Variants in CDH23 observed in about 807,000 individuals in gnomAD.
CDH23 encodes the protein cadherin related 23, also known as cadherin-23.
In CDH23, 189 loss-of-function variants were observed where a neutral mutation model predicts 317.1. That is an observed-to-expected ratio of 0.60 (90% CI 0.53 to 0.67). The LOEUF is 0.67. CDH23 is among the 30% of genes least tolerant of loss of function. The probability of loss-of-function intolerance (pLI) is 0.00; values close to 1 mark genes in which losing one functional copy is unlikely to be tolerated. For missense variants in CDH23, 4,401 were observed against 4,592.4 expected, an observed-to-expected ratio of 0.96 and a Z score of 1.20; for synonymous variants, 1,839 against 1,876.8, an observed-to-expected ratio of 0.98 and a Z score of 0.52.
At chr10:71,656,533 A>G (rs1863424299) in intron 14 of CDH23, among the ~76,000 whole-genome samples, 1 of 152,214 alleles carries the variant, frequency 6.6e-6, no homozygotes, top group Admixed American at 6.5e-5. Context: ...GCAGATGATG[A>G]ACAAGGAATT....
In CDH23 at chr10:71,555,267, G is replaced by A. The variant is rs552934856; in HGVS notation, c.430-11475G>A. 5.9e-5 allele frequency among the ~76,000 whole-genome samples: 9 copies of A among 152,290 alleles called. 1 individual carries two copies. In the South Asian group the frequency reaches 1.9e-3, roughly 32 times the overall value. On this transcript the variant is annotated intron_variant, in intron 6 of 69. Coordinates refer to ENST00000224721, the MANE Select transcript of CDH23 (RefSeq NM_022124.6). ...TGGTACATGCTGCCTGGTGTTGAAA[G>A]CAGATGTCCTGGGCGCTGGGGCCAG...
intron 9 of CDH23, among the ~76,000 whole-genome samples, chr10:71,605,014 G>T (rs1262681355): frequency 2.0e-5 from 3 of 152,218 alleles, no homozygotes; most frequent in African/African-American, 7.2e-5. Flanking sequence ...ACATTAAAAT[G>T]AATCAGTTTG....
intron 8 of CDH23, among the ~76,000 whole-genome samples, chr10:71,573,168 C>T (rs1182228278): frequency 2.6e-5 from 4 of 152,192 alleles, no homozygotes; most frequent in Non-Finnish European, 4.4e-5. Flanking sequence ...CATTAAACCA[C>T]GCTGGGCAGT....
chr10:71,482,009 T>C (rs1852094471), intron 3 of CDH23, among the ~76,000 whole-genome samples: 1 of 152,074 alleles, frequency 6.6e-6, no homozygotes, highest in African/African-American at 2.4e-5. Flanking sequence ...TGAGTCCTCT[T>C]CCCACCCTCC....
chr10:71,491,056 C>T (rs1417535126), intron 3 of CDH23, among the ~76,000 whole-genome samples: 1 of 152,180 alleles, frequency 6.6e-6, no homozygotes, highest in African/African-American at 2.4e-5. Context: ...CCAGTCTTGG[C>T]TCCCCCACCA....
At chr10:71,533,525 C>CCCCACACACACACACACACACACA (rs1249775933) in intron 6 of CDH23, among the ~76,000 whole-genome samples, 1 of 130,752 alleles carries the variant, frequency 7.6e-6, no homozygotes, top group African/African-American at 3.0e-5. Flanking sequence ...TGGCTGGACA[C>CCCCACACACACACACACACACACA]CACACACACA....
intron 26 of CDH23, among the ~76,000 whole-genome samples, chr10:71,708,310 C>T (rs1314579464): frequency 1.3e-5 from 2 of 152,156 alleles, no homozygotes; most frequent in African/African-American, 4.8e-5. Context: ...AGAGCCCTCC[C>T]GGATTTTCAG....
chr10:71,778,099 A>G, intron 39 of CDH23, 90 bp from the exon 40 acceptor site: 1 of 1,557,412 alleles, frequency 6.4e-7, no homozygotes, highest in Admixed American at 1.9e-5. Context: ...TCACAGCTCC[A>G]ATGTCAGGGC....
rs762906245 is a variant in CDH23 at position 71,811,607 on chromosome 10, CCTGCCA to C, written c.9278+18_9278+23del. The stretch of plus-strand genomic sequence containing the variant: ...CAGGACTGTGTGAGTGTCCCCCACC[CCTGCCA>C]TCAGGGGGCCGACCACCTGCTCCCG... On this transcript the variant is annotated intron_variant, in intron 64 of 69. Transcript: ENST00000224721. 4 of 1,613,928 alleles carry C rather than the reference CCTGCCA, an allele frequency of 2.5e-6. No individual in the cohort carries two copies. The South Asian group carries it at 4.4e-5, about 18-fold the overall frequency.
Position 71,426,301 on chromosome 10 carries a change from G to A in CDH23, c.-5-13526G>A, listed in dbSNP as rs73281867. Among the ~76,000 whole-genome samples the A allele has an allele frequency of 7.7e-3, 1,168 of 152,320 alleles. 18 individuals are homozygous for A. The highest frequency in any genetic ancestry group is 0.026 in the African/African-American group (1,090 of 41,570). ...CCAAGTCTGCTCTGCACTTTCAGAG[G>A]GGGGCCAGGACTTTCTAAGGGCCAT... On this transcript the variant is annotated intron_variant, in intron 1 of 69. Coordinates refer to ENST00000224721, the MANE Select transcript of CDH23 (RefSeq NM_022124.6).
At chr10:71,734,710 C>T in intron 34 of CDH23, 52 bp downstream of exon 34, 1 of 1,242,854 alleles carries the variant, frequency 8.0e-7, no homozygotes, top group Admixed American at 1.9e-5. Context: ...GTGGCCAGTG[C>T]TGGCCGGGCT....
intron 38 of CDH23, chr10:71,750,600 C>T (rs1308536803): frequency 6.6e-6 from 1 of 152,418 alleles, no homozygotes; most frequent in African/African-American, 2.4e-5. Flanking sequence ...ATATGTACTT[C>T]CCGTTTCGGG....
At chr10:71,695,660 G>A in intron 22 of CDH23, 135 bp downstream of exon 22, 1 of 646,678 alleles carries the variant, frequency 1.5e-6, no homozygotes, top group Non-Finnish European at 2.7e-6. Context: ...TCTTGCAATA[G>A]AGTTCTAGCG....
intron 1 of CDH23, among the ~76,000 whole-genome samples, chr10:71,438,977 G>A (rs1163783567): frequency 6.6e-6 from 1 of 152,196 alleles, no homozygotes; most frequent in Non-Finnish European, 1.5e-5. Context: ...GGGCTCTAGG[G>A]AGGCCTGCTC....
chr10:71,585,999 T>G (rs1205216129), intron 9 of CDH23, among the ~76,000 whole-genome samples: 1 of 152,228 alleles, frequency 6.6e-6, no homozygotes, highest in Non-Finnish European at 1.5e-5. Context: ...GGCAGGAGTC[T>G]GTCTCTGTCC....
At chr10:71,679,948 G>A (rs1864545565) in intron 17 of CDH23, among the ~76,000 whole-genome samples, 1 of 152,192 alleles carries the variant, frequency 6.6e-6, no homozygotes, top group Admixed American at 6.5e-5. Context: ...GCAACCTCAA[G>A]CTCCAAGATC....
At chr10:71,788,334 G>A (rs1021189368) in intron 44 of CDH23, among the ~76,000 whole-genome samples, 3 of 152,214 alleles carry the variant, frequency 2.0e-5, no homozygotes, top group Non-Finnish European at 2.9e-5. Flanking sequence ...ACAGGCGTGA[G>A]CCACCATGCC....
intron 3 of CDH23, among the ~76,000 whole-genome samples, chr10:71,481,101 G>A (rs142329258): frequency 5.6e-4 from 86 of 152,248 alleles, no homozygotes; most frequent in East Asian, 5.6e-3. Context: ...TCCCTGGGGA[G>A]CCCCATTTCC....
rs776970952 is a variant in CDH23 at position 71,677,692 on chromosome 10, G to A, written c.1751G>A (p.Arg584Gln). The change falls in exon 16 of 70, where the codon CGG becomes CAG. Residue 584 changes from arginine to glutamine, a missense_variant and splice_region_variant. Physicochemically the swap from Arg to Gln is conservative, Grantham distance 43. Coordinates refer to ENST00000224721, the MANE Select transcript of CDH23 (RefSeq NM_022124.6). ...EPSVTQLVRL[R>Q]ATDEDSPPNN... ...TCTGTCACACAGCTGGTGCGGCTCC[G>A]GGTAAGGTGCCAGGGAGCCCTGCAC... The A allele has an allele frequency of 3.5e-5, 54 of 1,555,146 alleles. No individual in the cohort carries two copies. Among genetic ancestry groups the A allele is most frequent in the East Asian group, 1.9e-4 (8 of 41,270 alleles).
Sources: gnomAD v4.1 joint callset for allele counts (sites outside exome capture counted in the v4.1 genomes callset) on GRCh38, gnomAD v4.1.1 for gene constraint, MANE v1.5 for transcripts, NCBI Gene and HGNC (gene_info 2026-07-23, HGNC 2026-07-21) for gene names.